Variants in SUPT20H observed in about 807,000 individuals in gnomAD.
SUPT20H encodes the protein transcription factor SPT20 homolog.
A neutral mutation model predicts 122.8 loss-of-function variants in SUPT20H; 82 were observed. That is an observed-to-expected ratio of 0.67 (90% confidence interval 0.56 to 0.80). The LOEUF (loss-of-function observed/expected upper bound fraction) is 0.80, where lower values mean the gene tolerates loss of function less well. Among genes scored for constraint, SUPT20H ranks in the 30% least tolerant of loss-of-function variants. SUPT20H has a pLI of 0.00. For missense variants in SUPT20H, 831 were observed against 921.6 expected, an observed-to-expected ratio of 0.90 and a Z score of 1.27; for synonymous variants, 291 against 313.0, an observed-to-expected ratio of 0.93 and a Z score of 0.74.
intron 7 of SUPT20H, among the ~76,000 whole-genome samples, chr13:37,043,340 C>T (rs1410925632): frequency 6.6e-6 from 1 of 152,116 alleles, no homozygotes; most frequent in Non-Finnish European, 1.5e-5. Flanking sequence ...CACAGTATGG[C>T]TGGGGTTAAG....
chr13:37,059,219 G>A (rs1005346330), intron 1 of SUPT20H: 2 of 152,230 alleles, frequency 1.3e-5, no homozygotes, highest in African/African-American at 4.8e-5. Context: ...TCTCCACAGA[G>A]GAGCGACAAG....
Position 37,044,148 on chromosome 13 carries a change from CCTT to C in SUPT20H, c.323_325del (p.Glu108del). 6.8e-6 allele frequency: 11 copies of C among 1,612,916 alleles called. No homozygotes were observed. Among genetic ancestry groups the C allele is most frequent in the Non-Finnish European group, 9.3e-6 (11 of 1,179,470 alleles). On this transcript the variant is annotated inframe_deletion, in exon 7 of 26. Transcript: ENST00000350612. ...TGCATCCAAATATTCAAGCAACTCTCCTTCTTCATAGGGCAGTCGAATGGTCTC... is the reference window on the plus strand; with the variant it reads ...TGCATCCAAATATTCAAGCAACTCTCCTTCATAGGGCAGTCGAATGGTCTC...
intron 15 of SUPT20H, 52 bp from the exon 16 acceptor site, chr13:37,026,288 C>T (rs1202919209): frequency 1.6e-6 from 2 of 1,256,132 alleles, no homozygotes; most frequent in Non-Finnish European, 2.1e-6. Context: ...TAAGAGTTGT[C>T]TTAAGAAGGC....
chr13:37,050,347 C>CAAA (rs61668901), intron 2 of SUPT20H, among the ~76,000 whole-genome samples: 86 of 76,902 alleles, frequency 1.1e-3, no homozygotes, highest in East Asian at 2.5e-3. Context: ...CTGTCACTAC[C>CAAA]AAAAAAAAAA....
chr13:37,058,516 G>C (rs1223179936), intron 1 of SUPT20H, among the ~76,000 whole-genome samples: 1 of 152,084 alleles, frequency 6.6e-6, no homozygotes, highest in Non-Finnish European at 1.5e-5. Context: ...TTGGGGATGG[G>C]GGCTTACTAA....
At chr13:37,047,740 C>T in intron 4 of SUPT20H, 138 bp downstream of exon 4, 1 of 1,196,964 alleles carries the variant, frequency 8.4e-7, no homozygotes, top group Admixed American at 3.4e-5. Flanking sequence ...AATATAGTAG[C>T]TAACATCAAC....
intron 6 of SUPT20H, 129 bp downstream of exon 6, chr13:37,045,118 T>A: frequency 8.6e-7 from 1 of 1,168,068 alleles, no homozygotes; most frequent in Non-Finnish European, 1.2e-6. Flanking sequence ...GATCAAAATC[T>A]GTTTTTATCA....
intron 1 of SUPT20H, chr13:37,057,270 G>C (rs2069299170): frequency 6.6e-6 from 1 of 151,654 alleles, no homozygotes; most frequent in African/African-American, 2.4e-5. Flanking sequence ...ACTCCAGCCT[G>C]GGTAAAAGAG....
intron 1 of SUPT20H, among the ~76,000 whole-genome samples, chr13:37,056,633 G>A (rs1014675211): frequency 3.3e-5 from 5 of 152,036 alleles, no homozygotes; most frequent in African/African-American, 9.7e-5. Context: ...GAGGAGGGGG[G>A]AGGGATAGCA....
At chr13:37,032,170 A>G (rs1189984658) in intron 10 of SUPT20H, among the ~76,000 whole-genome samples, 2 of 152,158 alleles carry the variant, frequency 1.3e-5, no homozygotes, top group African/African-American at 4.8e-5. Context: ...AAGAAGCAGT[A>G]AGAGAAGCAA....
chr13:37,048,914 C>CA (rs1360682213), intron 2 of SUPT20H, among the ~76,000 whole-genome samples: 1 of 149,086 alleles, frequency 6.7e-6, no homozygotes, highest in Non-Finnish European at 1.5e-5. Context: ...GAGCACCATT[C>CA]AAAAAAATAT....
intron 9 of SUPT20H, among the ~76,000 whole-genome samples, chr13:37,035,889 G>A (rs1159252730): frequency 6.6e-6 from 1 of 152,170 alleles, no homozygotes; most frequent in African/African-American, 2.4e-5. Flanking sequence ...AAATGACAAC[G>A]TAATATTTAT....
chr13:37,009,896 C>A, intron 25 of SUPT20H, 87 bp from the exon 26 acceptor site: 2 of 1,516,806 alleles, frequency 1.3e-6, no homozygotes, highest in East Asian at 2.3e-5. Flanking sequence ...AACAACACAA[C>A]TGAAAAAGGG....
Position 37,051,510 on chromosome 13 carries a change from C to A in SUPT20H, c.-20G>T. On this transcript the variant is annotated 5_prime_UTR_variant, in exon 2 of 26. Coordinates refer to ENST00000350612, the MANE Select transcript of SUPT20H (RefSeq NM_001014286.3). ...TACCATTATGGCATAAAATAAGGGT[C>A]CAAAAGAAGAGATAACTTATGTACG... 6.2e-7 allele frequency: 1 copy of A among 1,611,088 alleles called. No homozygotes were observed. The highest frequency in any genetic ancestry group is 8.5e-7 in the Non-Finnish European group (1 of 1,178,026).
intron 7 of SUPT20H, among the ~76,000 whole-genome samples, chr13:37,041,432 G>T (rs2065444792): frequency 6.6e-6 from 1 of 151,822 alleles, no homozygotes; most frequent in African/African-American, 2.4e-5. Context: ...GCAGGAGAAT[G>T]GCATGAACCC....
In SUPT20H at chr13:37,059,546, C is replaced by G. The variant is rs2070186101; in HGVS notation, c.-94+13G>C. Reference sequence around the variant, plus strand: ...TGCCAGTCGCTGGCCACCCACCTACCGCCACCGCCCACCTGTGCGGGTCGC... The same window carrying G: ...TGCCAGTCGCTGGCCACCCACCTACGGCCACCGCCCACCTGTGCGGGTCGC... On this transcript the variant is annotated intron_variant, in intron 1 of 25. Coordinates refer to ENST00000350612, the MANE Select transcript of SUPT20H (RefSeq NM_001014286.3). 6.6e-6 allele frequency: 1 copy of G among 152,472 alleles called. No homozygotes were observed. Among genetic ancestry groups the G allele is most frequent in the Admixed American group, 6.5e-5 (1 of 15,296 alleles). The allele number at this position is 152,472 out of a possible 1,614,324, so 9.4% of individuals were successfully genotyped here.
At chr13:37,024,607 A>G (rs997385894) in intron 17 of SUPT20H, 165 bp from the exon 18 acceptor site, 3 of 428,208 alleles carry the variant, frequency 7.0e-6, no homozygotes, top group Non-Finnish European at 1.2e-5. Flanking sequence ...ATTGAATACT[A>G]TATGTATTAC....
chr13:37,026,938 T>C (rs1325587146), intron 14 of SUPT20H, 122 bp from the exon 15 acceptor site: 7 of 596,208 alleles, frequency 1.2e-5, no homozygotes, highest in Non-Finnish European at 1.8e-5. Context: ...ATCATGCAGC[T>C]ACTCTGATGC....
intron 10 of SUPT20H, among the ~76,000 whole-genome samples, chr13:37,033,171 T>C (rs1019083541): frequency 2.0e-5 from 3 of 151,064 alleles, no homozygotes; most frequent in Non-Finnish European, 4.4e-5. Context: ...AAATATATAA[T>C]ATGAGACCAT....
Sources: gnomAD v4.1 joint callset for allele counts (sites outside exome capture counted in the v4.1 genomes callset) on GRCh38, gnomAD v4.1.1 for gene constraint, MANE v1.5 for transcripts, NCBI Gene and HGNC (gene_info 2026-07-23, HGNC 2026-07-21) for gene names.